The following MANBAL variants were observed in gnomAD, a reference collection of about 807,000 sequenced individuals.
The protein encoded by MANBAL is mannosidase beta like, also known as protein MANBAL.
MANBAL carries 1 observed loss-of-function variant against 6.4 expected under a neutral mutation model. That is an observed-to-expected ratio of 0.16 (90% CI 0.06 to 0.74). MANBAL has a LOEUF of 0.74. MANBAL is among the 30% of genes least tolerant of loss of function. The pLI, the probability that MANBAL is intolerant of heterozygous loss-of-function variation, is 0.78. For synonymous variants in MANBAL, 47 were observed against 45.8 expected (o/e 1.03, Z -0.10); for missense variants, 100 against 107.8 (o/e 0.93, Z 0.32).
chr20:37,292,896 G>A (rs1342284222), intron 1 of MANBAL, among the ~76,000 whole-genome samples: 1 of 152,218 alleles, frequency 6.6e-6, no homozygotes, highest in Non-Finnish European at 1.5e-5. Context: ...CAAGATCTGG[G>A]CTCTAGGTAT....
intron 2 of MANBAL, among the ~76,000 whole-genome samples, chr20:37,303,101 C>T (rs1188001579): frequency 3.9e-5 from 6 of 152,062 alleles, no homozygotes; most frequent in Non-Finnish European, 5.9e-5. Context: ...AGTAGAGACA[C>T]GGTTTTGCCA....
intron 1 of MANBAL, chr20:37,297,385 T>A (rs994009349): frequency 1.3e-5 from 2 of 152,136 alleles, no homozygotes; most frequent in Non-Finnish European, 2.9e-5. Flanking sequence ...ATCTGCCAGC[T>A]CTGAGGATTC....
chr20:37,313,824 A>G (rs1568605046), intron 2 of MANBAL, among the ~76,000 whole-genome samples: 1 of 152,212 alleles, frequency 6.6e-6, no homozygotes, highest in Non-Finnish European at 1.5e-5. Flanking sequence ...GTAGGAGTGT[A>G]TTCATGGACA....
Position 37,295,872 on chromosome 20 carries a change from T to C in MANBAL, c.-56-5336T>C, listed in dbSNP as rs184287518. On this transcript the variant is annotated intron_variant, in intron 1 of 2. Transcript: ENST00000373606. The stretch of plus-strand genomic sequence containing the variant: ...TCGAAGGGGTGTCTCCTAGTTGAGA[T>C]CTGCAGGATGAATAGGACTTGTTTG... 2.0e-5 allele frequency among the ~76,000 whole-genome samples: 3 copies of C among 152,268 alleles called. No homozygotes were observed. In the East Asian group the frequency reaches 5.8e-4, roughly 29 times the overall value.
chr20:37,292,999 A>G (rs889418905), intron 1 of MANBAL, among the ~76,000 whole-genome samples: 1 of 152,208 alleles, frequency 6.6e-6, no homozygotes, highest in Non-Finnish European at 1.5e-5. Flanking sequence ...AAGTATTTCC[A>G]TATATAACCA....
intron 2 of MANBAL, among the ~76,000 whole-genome samples, chr20:37,309,676 C>T (rs8126416): frequency 6.6e-6 from 1 of 152,148 alleles, no homozygotes; most frequent in African/African-American, 2.4e-5. Flanking sequence ...ACCTACTGCA[C>T]CACAGGTGGC....
chr20:37,316,447 G>T lies in MANBAL; in HGVS notation c.*32G>T. On this transcript the variant is annotated 3_prime_UTR_variant, in exon 3 of 3. Transcript: ENST00000373606. Reference sequence around the variant, plus strand: ...AGGCCTGAGGAGCTGGGCGGGCAGGGAGAGGGTCTTGGGGACAGCCCTCCT... The same window carrying T: ...AGGCCTGAGGAGCTGGGCGGGCAGGTAGAGGGTCTTGGGGACAGCCCTCCT... The T allele has an allele frequency of 1.3e-6, 2 of 1,593,936 alleles. No homozygotes were observed. The highest frequency in any genetic ancestry group is 1.7e-5 in the Admixed American group (1 of 58,380).
In MANBAL at chr20:37,301,288, C is replaced by T. The variant is rs751373046; in HGVS notation, c.25C>T (p.Pro9Ser). MASDLDFS[P>S]PEVPEPTFLE... is the part of the protein sequence containing the mutation. ...CATGGCCTCTGACCTAGACTTCTCA[C>T]CTCCGGAGGTGCCCGAGCCCACTTT... Residue 9 changes from proline (P) to serine (S), a missense_variant, in exon 2 of 3, where the codon CCT becomes TCT. Physicochemically the swap from Pro to Ser is moderately conservative, Grantham distance 74. Transcript: ENST00000373606. The T allele has an allele frequency of 7.5e-6, 12 of 1,610,486 alleles. No homozygotes were observed. The highest frequency in any genetic ancestry group is 1.0e-5 in the Non-Finnish European group (12 of 1,177,486).
intron 2 of MANBAL, 66 bp from the exon 3 acceptor site, chr20:37,316,242 G>A: frequency 1.4e-6 from 2 of 1,430,008 alleles, no homozygotes; most frequent in Non-Finnish European, 1.9e-6. Flanking sequence ...TTTCAGATGT[G>A]ATCTCCTTTT....
At chr20:37,295,992 C>T (rs540186739) in intron 1 of MANBAL, among the ~76,000 whole-genome samples, 9 of 152,356 alleles carry the variant, frequency 5.9e-5, no homozygotes, top group Admixed American at 3.3e-4. Context: ...GAGAGCCGTA[C>T]GGCGCACAGT....
intron 2 of MANBAL, among the ~76,000 whole-genome samples, chr20:37,309,148 A>ATG (rs2069324513): frequency 6.6e-6 from 1 of 151,682 alleles, no homozygotes; most frequent in South Asian, 2.1e-4. Flanking sequence ...CCAGGGCTTC[A>ATG]TGTGTCTCTC....
At chr20:37,293,151 T>C (rs2068912023) in intron 1 of MANBAL, among the ~76,000 whole-genome samples, 2 of 151,920 alleles carry the variant, frequency 1.3e-5, no homozygotes, top group African/African-American at 4.8e-5. Flanking sequence ...GACCTGGGGG[T>C]GGGGATGGTT....
chr20:37,297,130 A>G (rs2069016187), intron 1 of MANBAL: 2 of 152,170 alleles, frequency 1.3e-5, no homozygotes, highest in South Asian at 2.1e-4. Flanking sequence ...TGGTATTCAC[A>G]TGGTGGTGGT....
chr20:37,299,425 T>C (rs1037791877), intron 1 of MANBAL, among the ~76,000 whole-genome samples: 5 of 152,200 alleles, frequency 3.3e-5, no homozygotes, highest in Admixed American at 2.0e-4. Context: ...TAGATTACAT[T>C]CTTATTTTCA....
In MANBAL at chr20:37,316,128, C is replaced by T. The variant is rs1291394443; in HGVS notation, c.151-180C>T. Among the ~76,000 whole-genome samples the T allele has an allele frequency of 2.0e-5, 3 of 152,232 alleles. No individual in the cohort carries two copies. The East Asian group carries it at 5.8e-4, about 29-fold the overall frequency. On this transcript the variant is annotated intron_variant, in intron 2 of 2. Transcript: ENST00000373606. ...TCCCCGTGGGGCTTCCTTTATTCTT[C>T]ACTGAGAGCCACGATGCTCCGGGGC...
rs189872013 is a variant in MANBAL at position 37,307,229 on chromosome 20, G to C, written c.150+5816G>C. Among the ~76,000 whole-genome samples the C allele has an allele frequency of 1.0e-3, 157 of 152,282 alleles. 1 individual carries two copies. The highest frequency in any genetic ancestry group is 2.0e-3 in the Non-Finnish European group (133 of 68,020). ...GATTCTCTCACCTTGGCCTCCCAAA[G>C]TGATGGGATTACAGGCATGAGCCAG... On this transcript the variant is annotated intron_variant, in intron 2 of 2. Transcript: ENST00000373606.
chr20:37,299,328 C>T (rs1031200548), intron 1 of MANBAL, among the ~76,000 whole-genome samples: 4 of 152,152 alleles, frequency 2.6e-5, no homozygotes, highest in Admixed American at 6.5e-5. Flanking sequence ...ATCTGCCCAC[C>T]GTGGCCTCCC....
At position 37,311,499 on chromosome 20, in the gene MANBAL, G is replaced by A. The variant is rs142838005; in HGVS notation, c.151-4809G>A. Among the ~76,000 whole-genome samples, 55 of 152,224 alleles carry A rather than the reference G, an allele frequency of 3.6e-4. No homozygotes were observed. The East Asian group carries it at 8.7e-3, about 24-fold the overall frequency. ...TTGTTTGTTTGTTTTTGTTTTGAGC[G>A]AAACTTTTTTTGAGTTTTGCTCTTG... On this transcript the variant is annotated intron_variant, in intron 2 of 2. Coordinates refer to ENST00000373606, the MANE Select transcript of MANBAL (RefSeq NM_001003897.2).
chr20:37,297,845 A>C (rs746285343), intron 1 of MANBAL, among the ~76,000 whole-genome samples: 1 of 151,970 alleles, frequency 6.6e-6, no homozygotes, highest in Non-Finnish European at 1.5e-5. Context: ...GGGTTTCTCC[A>C]TGTTGGTCAG....
Sources: allele counts gnomAD v4.1 joint callset (sites outside exome capture counted in the v4.1 genomes callset), GRCh38; gene constraint gnomAD v4.1.1; transcripts MANE v1.5; gene names NCBI Gene and HGNC (gene_info 2026-07-23, HGNC 2026-07-21).